The following SLAMF1 variants were observed in gnomAD, a reference collection of about 807,000 sequenced individuals.
SLAMF1 encodes the protein signaling lymphocytic activation molecule family member 1.
In SLAMF1, 18 loss-of-function variants were observed where a neutral mutation model predicts 35.1. That is an observed-to-expected ratio of 0.51 (90% confidence interval 0.35 to 0.76). The LOEUF is 0.76. Ranked by LOEUF, SLAMF1 falls within the 30% of genes least tolerant of loss-of-function variation. The probability of loss-of-function intolerance (pLI) is 0.01; values close to 1 mark genes in which losing one functional copy is unlikely to be tolerated. For missense variants in SLAMF1, 392 were observed against 413.0 expected (o/e 0.95, Z 0.44); for synonymous variants, 168 against 157.2 (o/e 1.07, Z -0.51).
intron 4 of SLAMF1, among the ~76,000 whole-genome samples, chr1:160,621,713 G>A (rs1220554760): frequency 6.6e-6 from 1 of 152,050 alleles, no homozygotes; most frequent in African/African-American, 2.4e-5. Flanking sequence ...GGAAATGTGG[G>A]GCAGACACTG....
chr1:160,626,844 G>C (rs979060316), intron 3 of SLAMF1, among the ~76,000 whole-genome samples: 1 of 152,048 alleles, frequency 6.6e-6, no homozygotes, highest in Non-Finnish European at 1.5e-5. Context: ...CTGGCCCCAG[G>C]CTCCACTCCA....
Position 160,643,186 on chromosome 1 carries a change from G to A in SLAMF1, c.76+3684C>T, listed in dbSNP as rs369756371. On this transcript the variant is annotated intron_variant, in intron 1 of 6. Coordinates refer to ENST00000302035, the MANE Select transcript of SLAMF1 (RefSeq NM_003037.5). The stretch of plus-strand genomic sequence containing the variant: ...GAGGAGGCAGCTATCCCCCCTCCCC[G>A]TCTTAAAGGTCTGCTCCTTATTCCA... Among the ~76,000 whole-genome samples, 19 of 152,172 alleles carry A rather than the reference G, an allele frequency of 1.2e-4. No homozygotes were observed. The East Asian group carries it at 1.3e-3, about 11-fold the overall frequency.
intron 2 of SLAMF1, among the ~76,000 whole-genome samples, chr1:160,636,169 T>A (rs1014580986): frequency 1.7e-4 from 26 of 152,130 alleles, no homozygotes; most frequent in Admixed American, 2.0e-4. Flanking sequence ...TCCACACCGT[T>A]TTGGAAAATG....
intron 1 of SLAMF1, among the ~76,000 whole-genome samples, chr1:160,638,924 A>G (rs909289922): frequency 6.6e-6 from 1 of 152,102 alleles, no homozygotes; most frequent in African/African-American, 2.4e-5. Context: ...GGACTTCTAA[A>G]TACTGGAGCA....
At chr1:160,640,883 G>A (rs1179145867) in intron 1 of SLAMF1, among the ~76,000 whole-genome samples, 2 of 152,114 alleles carry the variant, frequency 1.3e-5, no homozygotes, top group Non-Finnish European at 2.9e-5. Flanking sequence ...ATGACATGAG[G>A]AACATTATAG....
chr1:160,610,573 C>T lies in SLAMF1; in HGVS notation c.*175G>A. ...CAAGCTAAATTCTTGGGAAGCCTCA[C>T]TTCCTTGTTCATTTCACAGATGTAT... On this transcript the variant is annotated 3_prime_UTR_variant, in exon 7 of 7. Coordinates refer to ENST00000302035, the MANE Select transcript of SLAMF1 (RefSeq NM_003037.5). The T allele has an allele frequency of 1.6e-6, 1 of 619,002 alleles. No individual in the cohort carries two copies. The highest frequency in any genetic ancestry group is 2.9e-6 in the Non-Finnish European group (1 of 340,448). The allele number at this position is 619,002 out of a possible 1,614,324, so 38.3% of individuals were successfully genotyped here.
At chr1:160,640,373 C>CACACACAT (rs1553242561) in intron 1 of SLAMF1, among the ~76,000 whole-genome samples, 12 of 134,658 alleles carry the variant, frequency 8.9e-5, no homozygotes, top group African/African-American at 3.1e-4. Context: ...CACACACACA[C>CACACACAT]ACATATATAT....
At chr1:160,619,614 C>T (rs1659495822) in intron 5 of SLAMF1, among the ~76,000 whole-genome samples, 162 bp downstream of exon 5, 1 of 152,150 alleles carries the variant, frequency 6.6e-6, no homozygotes, top group Non-Finnish European at 1.5e-5. Context: ...ATTTCAAACA[C>T]TGACGTTTAG....
chr1:160,636,945 T>C, intron 2 of SLAMF1: 1 of 508,024 alleles, frequency 2.0e-6, no homozygotes. Flanking sequence ...GCTGTGCCCC[T>C]TTCCTTTGGG....
chr1:160,616,840 A>G (rs574335406), intron 5 of SLAMF1, among the ~76,000 whole-genome samples: 29 of 152,342 alleles, frequency 1.9e-4, no homozygotes, highest in African/African-American at 6.3e-4. Context: ...TAGACTGTTA[A>G]TACCAAGTTT....
intron 3 of SLAMF1, among the ~76,000 whole-genome samples, chr1:160,631,247 C>CA (rs1319957001): frequency 6.6e-6 from 1 of 152,194 alleles, no homozygotes; most frequent in Non-Finnish European, 1.5e-5. Flanking sequence ...TGGTATACTG[C>CA]GCAGGGCAGG....
chr1:160,614,563 A>C (rs1315599385), intron 5 of SLAMF1, among the ~76,000 whole-genome samples: 4 of 124,894 alleles, frequency 3.2e-5, no homozygotes, highest in Non-Finnish European at 5.5e-5. Context: ...ACAGAGTGAG[A>C]CTCCGCATCA....
chr1:160,613,723 T>C (rs548124569), intron 5 of SLAMF1, among the ~76,000 whole-genome samples: 1 of 152,360 alleles, frequency 6.6e-6, no homozygotes, highest in African/African-American at 2.4e-5. Context: ...GGATGGGACA[T>C]AATTTTTCTC....
Position 160,637,606 on chromosome 1 carries a change from A to G in SLAMF1, c.77-77T>C, listed in dbSNP as rs897848332. 8.6e-6 allele frequency: 9 copies of G among 1,041,646 alleles called. No homozygotes were observed. In the African/African-American group the frequency reaches 1.1e-4, roughly 13 times the overall value. 64.5% of individuals were successfully genotyped at this position (1,041,646 alleles called of 1,614,324 possible). A position where few individuals can be genotyped will look rare whatever the true frequency, so the allele number is the denominator to read the frequency against. ...ATCGTGTCAGCAGATCAGGAAGGAC[A>G]GACTGGAGGCTCTCCCTCTTCCTCT... On this transcript the variant is annotated intron_variant, in intron 1 of 6. Coordinates refer to ENST00000302035, the MANE Select transcript of SLAMF1 (RefSeq NM_003037.5).
chr1:160,626,552 G>C (rs1379212105), intron 3 of SLAMF1, among the ~76,000 whole-genome samples: 1 of 151,988 alleles, frequency 6.6e-6, no homozygotes, highest in African/African-American at 2.4e-5. Flanking sequence ...TAACCTTAAG[G>C]GAACTATAGT....
intron 1 of SLAMF1, among the ~76,000 whole-genome samples, chr1:160,638,248 C>G (rs1660556740): frequency 6.6e-6 from 1 of 152,016 alleles, no homozygotes; most frequent in South Asian, 2.1e-4. Flanking sequence ...CCACAACCTG[C>G]CTTTCCCCCT....
chr1:160,618,287 G>A (rs1218156255), intron 5 of SLAMF1, among the ~76,000 whole-genome samples: 2 of 151,990 alleles, frequency 1.3e-5, no homozygotes, highest in Admixed American at 6.6e-5. Flanking sequence ...ACCAAATATC[G>A]AGATATGTGT....
intron 5 of SLAMF1, among the ~76,000 whole-genome samples, chr1:160,619,260 T>C (rs1376103788): frequency 6.6e-6 from 1 of 152,194 alleles, no homozygotes; most frequent in African/African-American, 2.4e-5. Context: ...CCTTCACTTC[T>C]TAGTCCAGTG....
At chr1:160,626,359 G>T (rs74880001) in intron 3 of SLAMF1, among the ~76,000 whole-genome samples, 1 of 152,040 alleles carries the variant, frequency 6.6e-6, no homozygotes. Context: ...TGACAACGCC[G>T]GCCCTCTCTA....
Sources: allele counts gnomAD v4.1 joint callset (sites outside exome capture counted in the v4.1 genomes callset), GRCh38; gene constraint gnomAD v4.1.1; transcripts MANE v1.5; gene names NCBI Gene and HGNC (gene_info 2026-07-23, HGNC 2026-07-21).